DNAJC24: variants seen among roughly 807,000 people sequenced by gnomAD.
DNAJC24 encodes the protein dnaJ homolog subfamily C member 24.
DNAJC24 carries 17 observed loss-of-function variants against 18.0 expected under a neutral mutation model. The ratio of observed to expected loss-of-function variants is 0.94; its 90% CI spans 0.65 to 1.42. The LOEUF (loss-of-function observed/expected upper bound fraction) is 1.42. DNAJC24 is among the 40% of genes most tolerant of loss of function. The pLI, the probability that DNAJC24 is intolerant of heterozygous loss-of-function variation, is 0.00. For synonymous variants in DNAJC24, 55 were observed against 57.7 expected, an observed-to-expected ratio of 0.95 and a Z score of 0.21; for missense variants, 158 against 175.6, an observed-to-expected ratio of 0.90 and a Z score of 0.57.
chr11:31,428,165 A>G (rs1170191084), intron 4 of DNAJC24, among the ~76,000 whole-genome samples: 1 of 152,068 alleles, frequency 6.6e-6, no homozygotes, highest in East Asian at 1.9e-4. Flanking sequence ...ACAACAAAAA[A>G]TCATCAAGCG....
At chr11:31,409,048 T>A (rs1316161430) in intron 2 of DNAJC24, among the ~76,000 whole-genome samples, 1 of 152,226 alleles carries the variant, frequency 6.6e-6, no homozygotes, top group Non-Finnish European at 1.5e-5. Flanking sequence ...AGTTGGCAAA[T>A]GTGCTTGAAA....
At chr11:31,401,162 C>CA (rs1952597378) in intron 2 of DNAJC24, among the ~76,000 whole-genome samples, 1 of 152,138 alleles carries the variant, frequency 6.6e-6, no homozygotes. Context: ...AAATGCAAAT[C>CA]AAAACCAGGA....
chr11:31,420,827 A>T (rs899171714), intron 3 of DNAJC24, among the ~76,000 whole-genome samples: 1 of 152,110 alleles, frequency 6.6e-6, no homozygotes, highest in Non-Finnish European at 1.5e-5. Flanking sequence ...GTAGTTCCAG[A>T]TAGTCACGTA....
rs1023786646 is a variant in DNAJC24 at position 31,384,472 on chromosome 11, G to T, written c.111+13613G>T. On this transcript the variant is annotated intron_variant, in intron 2 of 4. Transcript: ENST00000465995. ...TAATAGATTCTCAGTACATTCTTTG[G>T]TTGAATTGTGCTGGATTTTGCTGAA... is the stretch of plus-strand genomic sequence containing the variant. 3 of 152,310 alleles carry T rather than the reference G, an allele frequency of 2.0e-5. No individual in the cohort carries two copies. In the South Asian group the frequency reaches 6.2e-4, roughly 32 times the overall value. 9.4% of individuals were successfully genotyped at this position (152,310 alleles called of 1,614,324 possible). A position where few individuals can be genotyped will look rare whatever the true frequency, so the allele number is the denominator to read the frequency against.
chr11:31,414,704 A>G, intron 2 of DNAJC24, 107 bp from the exon 3 acceptor site: 1 of 1,254,024 alleles, frequency 8.0e-7, no homozygotes, highest in Non-Finnish European at 1.1e-6. Context: ...TTTGGTTTTC[A>G]TCTTCTCATT....
At chr11:31,425,937 A>G (rs1052226064) in intron 3 of DNAJC24, among the ~76,000 whole-genome samples, 1 of 152,194 alleles carries the variant, frequency 6.6e-6, no homozygotes, top group Non-Finnish European at 1.5e-5. Flanking sequence ...TTATCTGACA[A>G]AAGACAAACA....
At chr11:31,394,027 T>C (rs556884371) in intron 2 of DNAJC24, among the ~76,000 whole-genome samples, 9 of 152,286 alleles carry the variant, frequency 5.9e-5, no homozygotes, top group Admixed American at 2.0e-4. Flanking sequence ...TTAATATATA[T>C]TGTTGATTTA....
At chr11:31,417,919 C>T (rs1952765565) in intron 3 of DNAJC24, among the ~76,000 whole-genome samples, 1 of 151,912 alleles carries the variant, frequency 6.6e-6, no homozygotes, top group Admixed American at 6.6e-5. Context: ...GTGTTCTTTC[C>T]AATAAAGAAA....
At chr11:31,377,805 G>C (rs1952333235) in intron 2 of DNAJC24, among the ~76,000 whole-genome samples, 1 of 152,094 alleles carries the variant, frequency 6.6e-6, no homozygotes, top group African/African-American at 2.4e-5. Context: ...TTGGAAAAGA[G>C]TTATTGTGTT....
intron 2 of DNAJC24, among the ~76,000 whole-genome samples, chr11:31,396,949 C>T (rs748751480): frequency 2.6e-5 from 4 of 152,128 alleles, no homozygotes; most frequent in Non-Finnish European, 4.4e-5. Flanking sequence ...TTGCTACTTC[C>T]CTCTCCCTGG....
chr11:31,419,288 G>A (rs894417628), intron 3 of DNAJC24, among the ~76,000 whole-genome samples: 8 of 151,882 alleles, frequency 5.3e-5, no homozygotes, highest in Admixed American at 6.6e-5. Flanking sequence ...TTTGGTGACC[G>A]TTTCTGAGAA....
chr11:31,378,553 ATTAAG>A (rs1952342264), intron 2 of DNAJC24, among the ~76,000 whole-genome samples: 1 of 152,170 alleles, frequency 6.6e-6, no homozygotes, highest in South Asian at 2.1e-4. Context: ...AGGCTCAGAG[ATTAAG>A]TAACATACTG....
At chr11:31,420,400 C>T (rs890533110) in intron 3 of DNAJC24, among the ~76,000 whole-genome samples, 1 of 151,968 alleles carries the variant, frequency 6.6e-6, no homozygotes, top group Non-Finnish European at 1.5e-5. Context: ...ATTGTAGGTC[C>T]GTTTTATTGG....
intron 2 of DNAJC24, among the ~76,000 whole-genome samples, chr11:31,413,683 ACTG>A (rs1952730602): frequency 6.6e-6 from 1 of 152,128 alleles, no homozygotes; most frequent in Non-Finnish European, 1.5e-5. Context: ...GCTTCTCCAC[ACTG>A]CTAAGGATCC....
intron 2 of DNAJC24, among the ~76,000 whole-genome samples, chr11:31,383,167 G>A (rs1294818560): frequency 6.6e-6 from 1 of 151,840 alleles, no homozygotes; most frequent in Non-Finnish European, 1.5e-5. Context: ...TTTAATGAGG[G>A]CTTTATTAGG....
At chr11:31,394,409 C>G (rs1373517333) in intron 2 of DNAJC24, among the ~76,000 whole-genome samples, 1 of 152,046 alleles carries the variant, frequency 6.6e-6, no homozygotes, top group Non-Finnish European at 1.5e-5. Context: ...TTGGGGGTTA[C>G]AAATAAATTT....
chr11:31,416,030 T>G (rs1436810677), intron 3 of DNAJC24: 3 of 152,212 alleles, frequency 2.0e-5, no homozygotes, highest in Non-Finnish European at 4.4e-5. Flanking sequence ...GATACTTCTG[T>G]GTGGAAAGAC....
At chr11:31,401,098 T>G (rs1242343478) in intron 2 of DNAJC24, among the ~76,000 whole-genome samples, 9 of 152,110 alleles carry the variant, frequency 5.9e-5, no homozygotes, top group African/African-American at 2.2e-4. Flanking sequence ...CAAAAGAAGA[T>G]ATTTATGTGG....
At chr11:31,418,524 C>T (rs774008699) in intron 3 of DNAJC24, among the ~76,000 whole-genome samples, 1 of 152,054 alleles carries the variant, frequency 6.6e-6, no homozygotes, top group South Asian at 2.1e-4. Context: ...AAGTACTTCT[C>T]TGTGATCTGA....
Sources: gnomAD v4.1 joint callset for allele counts (sites outside exome capture counted in the v4.1 genomes callset) on GRCh38, gnomAD v4.1.1 for gene constraint, MANE v1.5 for transcripts, NCBI Gene and HGNC (gene_info 2026-07-23, HGNC 2026-07-21) for gene names.